The following BMPR1B variants were observed in gnomAD, a reference collection of about 807,000 sequenced individuals.
The protein encoded by BMPR1B is bone morphogenetic protein receptor type-1B.
In BMPR1B, 12 loss-of-function variants were observed where a neutral mutation model predicts 59.1. The observed-to-expected ratio is 0.20, with a 90% CI of 0.13 to 0.33. The LOEUF (loss-of-function observed/expected upper bound fraction) is 0.33. Ranked by LOEUF, BMPR1B falls within the 10% of genes least tolerant of loss-of-function variation. The probability of loss-of-function intolerance (pLI) is 1.00; values close to 1 mark genes in which losing one functional copy is unlikely to be tolerated. For synonymous variants in BMPR1B, 237 were observed against 207.3 expected (o/e 1.14, Z -1.23); for missense variants, 550 against 610.9 (o/e 0.90, Z 1.05).
chr4:94,922,650 A>G lies in BMPR1B; in HGVS notation c.-113+46750A>G, dbSNP rs568808367. On this transcript the variant is annotated intron_variant, in intron 2 of 12. Coordinates refer to ENST00000515059, the MANE Select transcript of BMPR1B (RefSeq NM_001203.3). ...TATCTCAATTATGATATATATTACA[A>G]TTATCTTATATAAAATAATATTAGT... 1.3e-4 allele frequency among the ~76,000 whole-genome samples: 20 copies of G among 152,160 alleles called. No homozygotes were observed. The South Asian group carries it at 2.7e-3, about 21-fold the overall frequency.
intron 1 of BMPR1B, among the ~76,000 whole-genome samples, chr4:94,784,034 G>T (rs1722677233): frequency 6.6e-6 from 1 of 152,162 alleles, no homozygotes; most frequent in Non-Finnish European, 1.5e-5. Flanking sequence ...TTCTTACCAA[G>T]ATTTAGTATG....
chr4:94,935,155 A>G (rs950090509), intron 2 of BMPR1B, among the ~76,000 whole-genome samples: 1 of 152,126 alleles, frequency 6.6e-6, no homozygotes, highest in Non-Finnish European at 1.5e-5. Flanking sequence ...CATTTTAAAG[A>G]CAGCTTAAAT....
intron 1 of BMPR1B, among the ~76,000 whole-genome samples, chr4:94,823,934 G>A (rs1437054237): frequency 3.2e-4 from 49 of 152,066 alleles, no homozygotes; most frequent in Non-Finnish European, 4.4e-5. Context: ...TTTTAGTAGA[G>A]ACGGGGTTTC....
intron 3 of BMPR1B, among the ~76,000 whole-genome samples, chr4:95,063,961 CA>C (rs1727606898): frequency 6.6e-6 from 1 of 151,922 alleles, no homozygotes; most frequent in Non-Finnish European, 1.5e-5. Flanking sequence ...AGCAGATTGG[CA>C]AAATAATTAG....
intron 1 of BMPR1B, among the ~76,000 whole-genome samples, chr4:94,773,334 T>A (rs1722254085): frequency 6.6e-6 from 1 of 152,086 alleles, no homozygotes; most frequent in African/African-American, 2.4e-5. Context: ...TCTTTTTTCT[T>A]CTGGTGTTTT....
intron 1 of BMPR1B, among the ~76,000 whole-genome samples, chr4:94,774,072 C>G (rs1020317916): frequency 1.3e-5 from 2 of 152,122 alleles, no homozygotes; most frequent in Admixed American, 6.5e-5. Context: ...GCAGTCAACT[C>G]TATTATTTTT....
At chr4:94,915,800 CA>C (rs1348443455) in intron 2 of BMPR1B, among the ~76,000 whole-genome samples, 1 of 152,104 alleles carries the variant, frequency 6.6e-6, no homozygotes. Flanking sequence ...TGTTTCTGCC[CA>C]AATCTCATGT....
intron 1 of BMPR1B, among the ~76,000 whole-genome samples, chr4:94,781,627 A>G (rs1233677707): frequency 2.0e-5 from 3 of 151,754 alleles, no homozygotes; most frequent in African/African-American, 7.3e-5. Flanking sequence ...GGCCAGGCTG[A>G]TCTCAAACTC....
At chr4:95,074,628 A>G (rs1728567964) in intron 3 of BMPR1B, among the ~76,000 whole-genome samples, 1 of 152,152 alleles carries the variant, frequency 6.6e-6, no homozygotes. Flanking sequence ...AATATGATAC[A>G]AATAATATAA....
chr4:94,775,248 T>A (rs113575462), intron 1 of BMPR1B, among the ~76,000 whole-genome samples: 4 of 152,338 alleles, frequency 2.6e-5, no homozygotes, highest in African/African-American at 7.2e-5. Flanking sequence ...TTTAGATGTC[T>A]TAAATGGCAT....
At chr4:94,919,972 G>A (rs1295450) in intron 2 of BMPR1B, among the ~76,000 whole-genome samples, 33,809 of 151,872 alleles carry the variant, frequency 0.22, 4,445 homozygotes, top group Middle Eastern at 0.43. Flanking sequence ...TCAATTGTTC[G>A]TGAATATTAA....
chr4:94,953,774 C>T (rs1730040636), intron 2 of BMPR1B, among the ~76,000 whole-genome samples: 1 of 152,088 alleles, frequency 6.6e-6, no homozygotes, highest in African/African-American at 2.4e-5. Context: ...GTGGTGTTCT[C>T]TGTATTTCCT....
rs373879247 is a variant in BMPR1B, at chr4:94,975,456, G to A, written c.-112-20584G>A. 6.8e-4 allele frequency among the ~76,000 whole-genome samples: 93 copies of A among 137,224 alleles called. 2 individuals are homozygous for A. The South Asian group carries it at 0.02, about 29-fold the overall frequency. 90.0% of individuals were successfully genotyped at this position (137,224 alleles called of 152,430 possible). A position where few individuals can be genotyped will look rare whatever the true frequency, so the allele number is the denominator to read the frequency against. ...ACGACTCACTGCAGCCTCCCTTCCT[G>A]GGCTCAGGTGATCCTCCCACCTCAG... On this transcript the variant is annotated intron_variant, in intron 2 of 12. Transcript: ENST00000515059.
intron 3 of BMPR1B, among the ~76,000 whole-genome samples, chr4:95,020,739 G>A (rs952601118): frequency 7.9e-5 from 12 of 152,048 alleles, no homozygotes; most frequent in Admixed American, 6.6e-4. Context: ...TGTTGCCTAG[G>A]CTAGAGTACA....
At chr4:95,137,338 C>T (rs988459493) in intron 10 of BMPR1B, among the ~76,000 whole-genome samples, 3 of 152,100 alleles carry the variant, frequency 2.0e-5, no homozygotes, top group South Asian at 2.1e-4. Flanking sequence ...ACTATGTGGT[C>T]AATTTTGGAA....
intron 2 of BMPR1B, among the ~76,000 whole-genome samples, chr4:94,965,629 T>C (rs77001581): frequency 0.03 from 4,511 of 152,292 alleles, 215 homozygotes; most frequent in African/African-American, 0.1. Context: ...GGAGAAAACA[T>C]AGACAATTAA....
At chr4:94,943,714 G>T (rs530832149) in intron 2 of BMPR1B, among the ~76,000 whole-genome samples, 122 of 152,272 alleles carry the variant, frequency 8.0e-4, no homozygotes, top group Non-Finnish European at 1.4e-3. Context: ...TTAAAGAAAT[G>T]GAAATGGAAT....
Position 95,125,270 on chromosome 4 carries a change from C to G in BMPR1B, c.585+149C>G, listed in dbSNP as rs554549794. On this transcript the variant is annotated intron_variant, in intron 8 of 12. Transcript: ENST00000515059. ...ACATCCGATCTCAGCTGCAGGGCTT[C>G]CTGATAACATTTTGACATATTGAGA... is the stretch of plus-strand genomic sequence containing the variant. 7 of 1,022,048 alleles carry G rather than the reference C, an allele frequency of 6.8e-6. No individual in the cohort carries two copies. In the East Asian group the frequency reaches 1.8e-4, roughly 27 times the overall value. 63.3% of individuals were successfully genotyped at this position (1,022,048 alleles called of 1,614,324 possible).
At chr4:95,093,154 A>T (rs1452709341) in intron 3 of BMPR1B, among the ~76,000 whole-genome samples, 1 of 152,088 alleles carries the variant, frequency 6.6e-6, no homozygotes, top group Non-Finnish European at 1.5e-5. Context: ...CTTCAGTTTG[A>T]TGTTGCATAT....
Sources: allele counts gnomAD v4.1 joint callset (sites outside exome capture counted in the v4.1 genomes callset), GRCh38; gene constraint gnomAD v4.1.1; transcripts MANE v1.5; gene names NCBI Gene and HGNC (gene_info 2026-07-23, HGNC 2026-07-21).